SH2B2: variants seen among roughly 807,000 people sequenced by gnomAD.
SH2B2 encodes SH2B adapter protein 2.
SH2B2 carries 37 observed loss-of-function variants against 35.7 expected under a neutral mutation model. That is an observed-to-expected ratio of 1.04 (90% CI 0.80 to 1.36). The LOEUF is 1.36. SH2B2 is among the 40% of genes most tolerant of loss of function. SH2B2 has a pLI of 0.00. For missense variants in SH2B2, 852 were observed against 817.7 expected (o/e 1.04, Z -0.51); for synonymous variants, 383 against 376.4 (o/e 1.02, Z -0.20).
chr7:102,286,680 G>T (rs1792456918), upstream of SH2B2, among the ~76,000 whole-genome samples: 1 of 150,688 alleles, frequency 6.6e-6, no homozygotes, highest in Non-Finnish European at 1.5e-5. Context: ...GCAGCTGCGG[G>T]GAGCCAGCAA....
chr7:102,314,823 C>T (rs1180771739), intron 6 of SH2B2, 141 bp downstream of exon 6: 1 of 397,416 alleles, frequency 2.5e-6, no homozygotes, highest in African/African-American at 2.1e-5. Flanking sequence ...TCACACGTCT[C>T]CGAAGTACTT....
In SH2B2 at chr7:102,289,529, G is replaced by GT. The variant is rs1171407463; in HGVS notation, c.-30+2436dup. On this transcript the variant is annotated intron_variant, in intron 1 of 8. Transcript: ENST00000444095. Reference sequence around the variant, plus strand: ...TGAACTTGGATGTGGTGAGTTTGAGGTACCTGGAGATCAGCCAGGCTGGGA... The same window carrying GT: ...TGAACTTGGATGTGGTGAGTTTGAGGTTACCTGGAGATCAGCCAGGCTGGGA... 3.3e-5 allele frequency among the ~76,000 whole-genome samples: 5 copies of GT among 152,256 alleles called. No homozygotes were observed. In the East Asian group the frequency reaches 9.7e-4, roughly 29 times the overall value.
rs1554557262 is a variant in SH2B2, at chr7:102,317,341, TGA to T, written c.1344_1345del (p.Glu448AspfsTer41). On this transcript the variant is annotated frameshift_variant, in exon 7 of 9. Transcript: ENST00000444095. LOFTEE classifies it high-confidence loss of function. ...NHGLFVIRQS[E>X]TRPGEYVLTF... ...ACGGCCTCTTCGTGATCCGCCAAAG[TGA>T]GACTCGGCCTGGGGAGTACGTGCTG... The T allele has an allele frequency of 1.9e-6, 3 of 1,611,232 alleles. No individual in the cohort carries two copies. Among genetic ancestry groups the T allele is most frequent in the Non-Finnish European group, 2.5e-6 (3 of 1,177,788 alleles).
chr7:102,297,475 G>T lies in SH2B2; in HGVS notation c.-29-3047G>T, dbSNP rs712842. ...TATTAGCCAGTTTCAAGCATCTGCT[G>T]GGGTTCTTGGGACATATACCCCTTG... On this transcript the variant is annotated intron_variant, in intron 1 of 8. Transcript: ENST00000444095. The surrounding 1 kb of genome is among the most constrained non-coding windows in gnomAD (Gnocchi z 4.3). Among the ~76,000 whole-genome samples the T allele has an allele frequency of 6.6e-6, 1 of 151,650 alleles. No individual in the cohort carries two copies. The highest frequency in any genetic ancestry group is 1.9e-4 in the East Asian group (1 of 5,160).
intron 3 of SH2B2, 33 bp from the exon 4 acceptor site, chr7:102,308,782 G>C: frequency 6.5e-7 from 1 of 1,535,618 alleles, no homozygotes; most frequent in Non-Finnish European, 9.0e-7. Flanking sequence ...TCTGCTGACC[G>C]TGTTCTGCAC....
chr7:102,294,388 A>G (rs1792821263), intron 1 of SH2B2, among the ~76,000 whole-genome samples: 1 of 152,128 alleles, frequency 6.6e-6, no homozygotes, highest in Non-Finnish European at 1.5e-5. Flanking sequence ...GGAAGAGCAA[A>G]GTCCCTAGAG....
chr7:102,293,677 C>G (rs1792789270), intron 1 of SH2B2, among the ~76,000 whole-genome samples: 1 of 151,798 alleles, frequency 6.6e-6, no homozygotes, highest in South Asian at 2.1e-4. Flanking sequence ...GGGGGAGAGG[C>G]AACCCCCTAC....
intron 7 of SH2B2, among the ~76,000 whole-genome samples, chr7:102,318,153 T>C (rs1335855519): frequency 6.6e-6 from 1 of 152,150 alleles, no homozygotes; most frequent in Non-Finnish European, 1.5e-5. Flanking sequence ...GTTTTTGTTT[T>C]TTTTTGAGAC....
At chr7:102,309,279 C>A in intron 4 of SH2B2, 1 of 411,428 alleles carries the variant, frequency 2.4e-6, no homozygotes, top group Non-Finnish European at 4.8e-6. Flanking sequence ...TTGGGAGGCC[C>A]AGCTGGGAGG....
intron 2 of SH2B2, among the ~76,000 whole-genome samples, chr7:102,302,289 G>T (rs1247724932): frequency 6.6e-6 from 1 of 152,244 alleles, no homozygotes; most frequent in East Asian, 1.9e-4. Context: ...GAGCACATTC[G>T]CAGAGGGCTC....
chr7:102,293,425 CAGCACCAAAA>C (rs1792767888), intron 1 of SH2B2, among the ~76,000 whole-genome samples: 3 of 151,406 alleles, frequency 2.0e-5, no homozygotes, highest in Admixed American at 2.0e-4. Context: ...CTCCATCCCC[CAGCACCAAAA>C]ACCACTCTGA....
chr7:102,301,451 G>C (rs1554553886), intron 2 of SH2B2, among the ~76,000 whole-genome samples, 172 bp downstream of exon 2: 1 of 152,120 alleles, frequency 6.6e-6, no homozygotes, highest in East Asian at 1.9e-4. Context: ...TCTTGAACAA[G>C]TCACCCCTTC....
rs1554553838 is a variant in SH2B2 at position 102,301,274 on chromosome 7, C to A, written c.724C>A (p.Pro242Thr). The change falls in exon 2 of 9, where the codon CCC becomes ACC. Residue 242 changes from proline to threonine, a missense_variant. By Grantham distance (38) the Pro-to-Thr change is conservative. This residue lies in a region of SH2B2 where 556 missense variants were observed against 514.5 expected (regional missense o/e 1.08). Transcript: ENST00000444095. The stretch of plus-strand genomic sequence containing the variant: ...CTTCCGCCTGGAGTTCTTCGTGCCG[C>A]CCAAAGTGAGTTACCCCATAATCCC... Reference protein sequence around the residue: ...ERFRLEFFVPPKASRPKVSIP... With the variant: ...ERFRLEFFVPTKASRPKVSIP... The A allele has an allele frequency of 6.2e-7, 1 of 1,603,372 alleles. No homozygotes were observed. The highest frequency in any genetic ancestry group is 8.5e-7 in the Non-Finnish European group (1 of 1,175,510).
intron 2 of SH2B2, among the ~76,000 whole-genome samples, chr7:102,304,736 G>A (rs1179643643): frequency 6.6e-6 from 1 of 152,236 alleles, no homozygotes; most frequent in Non-Finnish European, 1.5e-5. Flanking sequence ...TCCAGTCCAG[G>A]CCTCCACTGC....
At chr7:102,310,749 C>T (rs1554555889) in intron 4 of SH2B2, among the ~76,000 whole-genome samples, 1 of 152,242 alleles carries the variant, frequency 6.6e-6, no homozygotes, top group East Asian at 1.9e-4. Flanking sequence ...CCTCCACCGC[C>T]CTCCGGACCA....
chr7:102,303,507 G>T (rs1793276012), intron 2 of SH2B2, among the ~76,000 whole-genome samples: 1 of 152,206 alleles, frequency 6.6e-6, no homozygotes, highest in Non-Finnish European at 1.5e-5. Context: ...AAGGCTCATT[G>T]CCCATGAGCC....
In SH2B2 at chr7:102,321,633, C is replaced by G; in HGVS notation, c.*3C>G. The G allele has an allele frequency of 8.8e-7, 1 of 1,142,104 alleles. No individual in the cohort carries two copies. Among genetic ancestry groups the G allele is most frequent in the Non-Finnish European group, 1.1e-6 (1 of 928,932 alleles). 70.7% of individuals were successfully genotyped at this position (1,142,104 alleles called of 1,614,324 possible). On this transcript the variant is annotated 3_prime_UTR_variant, in exon 9 of 9. Coordinates refer to ENST00000444095, the MANE Select transcript of SH2B2 (RefSeq NM_001359228.2). ...AGAACCAGTACTCCTTCTACTAGCC[C>G]GCGGCGCCGCCCGGGTGGGACACGC...
intron 1 of SH2B2, among the ~76,000 whole-genome samples, chr7:102,289,728 G>T (rs1290905946): frequency 6.6e-6 from 1 of 151,822 alleles, no homozygotes; most frequent in African/African-American, 2.4e-5. Flanking sequence ...CACTAAGGGG[G>T]TATCCTGCAG....
At chr7:102,285,355 C>A, upstream of SH2B2, 1 of 818,386 alleles carries the variant, frequency 1.2e-6, no homozygotes, top group East Asian at 2.7e-5. Context: ...CTCTCGGGCA[C>A]CCCCTCCTCC....
Sources: allele counts gnomAD v4.1 joint callset (sites outside exome capture counted in the v4.1 genomes callset), GRCh38; gene constraint gnomAD v4.1.1; regional missense constraint gnomAD v4.1.1; non-coding constraint Gnocchi (gnomAD v3.1); transcripts MANE v1.5; gene names NCBI Gene and HGNC (gene_info 2026-07-23, HGNC 2026-07-21).